Variants in CHD9 observed in about 807,000 individuals in gnomAD.
CHD9 encodes the protein chromodomain helicase DNA binding protein 9, also known as ATP-dependent chromatin remodeler CHD9.
Under a neutral mutation model 316.1 loss-of-function variants are expected in CHD9, and 77 were observed. That is an observed-to-expected ratio of 0.24 (90% CI 0.20 to 0.29). The LOEUF is 0.29. Ranked by LOEUF, CHD9 falls within the 10% of genes least tolerant of loss-of-function variation. CHD9 has a pLI of 1.00. For synonymous variants in CHD9, 1,129 were observed against 1,158.3 expected, an observed-to-expected ratio of 0.97 and a Z score of 0.51; for missense variants, 2,763 against 3,438.1, an observed-to-expected ratio of 0.80 and a Z score of 4.91.
chr16:53,084,848 T>A (rs1284485268), intron 1 of CHD9, among the ~76,000 whole-genome samples: 1 of 152,136 alleles, frequency 6.6e-6, no homozygotes, highest in Non-Finnish European at 1.5e-5. Context: ...TGGTCAAGTC[T>A]TTCGTGGTAT....
intron 1 of CHD9, among the ~76,000 whole-genome samples, chr16:53,070,489 T>TTCCTTCCTTCCTTCCTTCCTTCCTTCC (rs1567306287): frequency 2.1e-5 from 3 of 144,788 alleles, no homozygotes; most frequent in African/African-American, 8.0e-5. Flanking sequence ...TCTTTCTTTC[T>TTCCTTCCTTCCTTCCTTCCTTCCTTCC]TTCCTTCCTT....
At chr16:53,289,570 A>G (rs766593384) in intron 27 of CHD9, among the ~76,000 whole-genome samples, 5 of 152,248 alleles carry the variant, frequency 3.3e-5, no homozygotes, top group Non-Finnish European at 1.5e-5. Context: ...GTCTGGACCA[A>G]TCAGGAGAGA....
chr16:53,147,383 C>T (rs2040718739), intron 1 of CHD9, among the ~76,000 whole-genome samples: 1 of 152,178 alleles, frequency 6.6e-6, no homozygotes, highest in Non-Finnish European at 1.5e-5. Context: ...AAATGTGCTA[C>T]TTTAACTGTC....
chr16:53,181,271 A>G (rs2043494127), intron 2 of CHD9, among the ~76,000 whole-genome samples: 1 of 152,122 alleles, frequency 6.6e-6, no homozygotes, highest in African/African-American at 2.4e-5. Flanking sequence ...TTGGCCTCCT[A>G]TAGTGCTGGG....
At chr16:53,141,672 G>A (rs1030802858) in intron 1 of CHD9, among the ~76,000 whole-genome samples, 36 of 152,092 alleles carry the variant, frequency 2.4e-4, no homozygotes, top group Admixed American at 4.6e-4. Context: ...TAAATTAGTA[G>A]ATGTTAGGAA....
chr16:53,300,051 T>C, intron 30 of CHD9, among the ~76,000 whole-genome samples: 1 of 152,198 alleles, frequency 6.6e-6, no homozygotes, highest in East Asian at 1.9e-4. Context: ...GTTGGTGTCT[T>C]TGTTAAGAAT....
intron 1 of CHD9, among the ~76,000 whole-genome samples, chr16:53,106,958 A>T (rs545016355): frequency 1.3e-5 from 2 of 152,248 alleles, no homozygotes; most frequent in African/African-American, 4.8e-5. Flanking sequence ...GAAGACTGTG[A>T]AATGAATTAG....
intron 2 of CHD9, among the ~76,000 whole-genome samples, chr16:53,201,353 AAAATATTTTATC>A (rs2152848713): frequency 6.6e-6 from 1 of 152,352 alleles, no homozygotes; most frequent in South Asian, 2.1e-4. Context: ...TTTCTAAGCC[AAAATATTTTATC>A]AATTATTCTG....
intron 2 of CHD9, among the ~76,000 whole-genome samples, chr16:53,160,506 T>G (rs2041832398): frequency 6.6e-6 from 1 of 152,194 alleles, no homozygotes; most frequent in Non-Finnish European, 1.5e-5. Context: ...AGTCACTCAC[T>G]TTTTTGTTTC....
intron 4 of CHD9, chr16:53,223,309 A>G (rs1261630803): frequency 6.8e-6 from 1 of 146,368 alleles, no homozygotes; most frequent in African/African-American, 2.6e-5. Context: ...AGTTAAAATT[A>G]TATATAGTGA....
chr16:53,156,700 G>A lies in CHD9; in HGVS notation c.611G>A (p.Gly204Asp), dbSNP rs1241060212. ...SQSKNFMNVSGPHRVNVNHPP... is the reference protein window; with the variant it reads ...SQSKNFMNVSDPHRVNVNHPP... ...TCTAAAAATTTTATGAATGTTTCTG[G>A]TCCACATAGAGTCAATGTTAACCAC... Residue 204 changes from glycine (G) to aspartate (D), a missense_variant, in exon 2 of 39, where the codon GGT becomes GAT. Physicochemically the swap from Gly to Asp is moderately conservative, Grantham distance 94. Around this residue, in one of 15 missense-constraint regions of CHD9, gnomAD observed 859 missense variants for 890.4 expected, o/e 0.96. Transcript: ENST00000447540. 2 of 1,613,938 alleles carry A rather than the reference G, an allele frequency of 1.2e-6. No individual in the cohort carries two copies. The highest frequency in any genetic ancestry group is 1.7e-6 in the Non-Finnish European group (2 of 1,179,886).
chr16:53,205,273 T>C (rs1037522921), intron 2 of CHD9, among the ~76,000 whole-genome samples: 1 of 152,254 alleles, frequency 6.6e-6, no homozygotes, highest in Admixed American at 6.5e-5. Flanking sequence ...ATTATTTTAC[T>C]CCATTTGAAT....
intron 2 of CHD9, chr16:53,169,198 G>C (rs1053256458): frequency 6.6e-6 from 1 of 152,256 alleles, no homozygotes; most frequent in African/African-American, 2.4e-5. Context: ...TGACAGATGA[G>C]ACCCTGTCTC....
At chr16:53,208,313 CA>C (rs1408461767) in intron 2 of CHD9, 2 of 1,280,428 alleles carry the variant, frequency 1.6e-6, no homozygotes, top group Non-Finnish European at 2.0e-6. Context: ...TGTCTGACGC[CA>C]AAAATGTCTT....
intron 1 of CHD9, among the ~76,000 whole-genome samples, chr16:53,153,936 T>G (rs1167919459): frequency 6.6e-6 from 1 of 152,172 alleles, no homozygotes; most frequent in Non-Finnish European, 1.5e-5. Context: ...TGTGAGTATC[T>G]GTATGCTAGC....
At chr16:53,191,036 C>A (rs1266939454) in intron 2 of CHD9, among the ~76,000 whole-genome samples, 3 of 151,858 alleles carry the variant, frequency 2.0e-5, no homozygotes, top group Non-Finnish European at 4.4e-5. Flanking sequence ...TAATCATTAC[C>A]GCAATTAAGA....
intron 29 of CHD9, among the ~76,000 whole-genome samples, chr16:53,293,808 A>G (rs1049653984): frequency 1.3e-5 from 2 of 152,104 alleles, no homozygotes; most frequent in African/African-American, 4.8e-5. Flanking sequence ...AAAATTAGCC[A>G]GGTGTGGTAC....
intron 10 of CHD9, among the ~76,000 whole-genome samples, chr16:53,232,920 C>T (rs1157355537): frequency 6.6e-6 from 1 of 152,130 alleles, no homozygotes; most frequent in Non-Finnish European, 1.5e-5. Flanking sequence ...TTAAGAAAAG[C>T]TTTCTTGAAC....
At chr16:53,134,715 G>A (rs1457606169) in intron 1 of CHD9, among the ~76,000 whole-genome samples, 1 of 152,162 alleles carries the variant, frequency 6.6e-6, no homozygotes, top group Non-Finnish European at 1.5e-5. Flanking sequence ...CAGTTGGAAA[G>A]CTGATCAAGT....
Sources: gnomAD v4.1 joint callset for allele counts (sites outside exome capture counted in the v4.1 genomes callset) on GRCh38, gnomAD v4.1.1 for gene constraint, gnomAD v4.1.1 regional missense constraint, MANE v1.5 for transcripts, NCBI Gene and HGNC (gene_info 2026-07-23, HGNC 2026-07-21) for gene names.